MGST1: variants seen among roughly 807,000 people sequenced by gnomAD.
The protein encoded by MGST1 is microsomal glutathione S-transferase 1, also known as glutathione S-transferase 12.
Under a neutral mutation model 8.9 loss-of-function variants are expected in MGST1, and 5 were observed. The ratio of observed to expected loss-of-function variants is 0.56; its 90% CI spans 0.29 to 1.19. MGST1 has a LOEUF of 1.19. Among genes scored for constraint, MGST1 ranks in the 50% most tolerant of loss-of-function variants. The pLI is 0.08. For synonymous variants in MGST1, 54 were observed against 67.8 expected, an observed-to-expected ratio of 0.80 and a Z score of 1.00; for missense variants, 182 against 187.4, an observed-to-expected ratio of 0.97 and a Z score of 0.17.
At chr12:16,558,115 G>A (rs547535417) in intron 4 of MGST1, among the ~76,000 whole-genome samples, 3 of 152,096 alleles carry the variant, frequency 2.0e-5, no homozygotes, top group South Asian at 4.2e-4. Flanking sequence ...TATAAATTGA[G>A]TGAAAAAGTC....
At chr12:16,501,836 A>T (rs899595292) in intron 4 of MGST1, among the ~76,000 whole-genome samples, 1 of 152,168 alleles carries the variant, frequency 6.6e-6, no homozygotes, top group Admixed American at 6.5e-5. Flanking sequence ...AAATACTCAT[A>T]TTTATCATTA....
At chr12:16,419,245 C>T (rs1172466510) in intron 1 of MGST1, among the ~76,000 whole-genome samples, 1 of 152,146 alleles carries the variant, frequency 6.6e-6, no homozygotes, top group African/African-American at 2.4e-5. Context: ...CTTGCCTTTT[C>T]TCAGATACCT....
At chr12:16,467,356 G>A (rs931465038) in intron 4 of MGST1, among the ~76,000 whole-genome samples, 2 of 152,194 alleles carry the variant, frequency 1.3e-5, no homozygotes, top group Non-Finnish European at 2.9e-5. Context: ...GTTTAGGCCA[G>A]CTGATCTATT....
downstream of MGST1, among the ~76,000 whole-genome samples, chr12:16,593,136 A>G (rs1943545808): frequency 2.0e-5 from 3 of 151,862 alleles, no homozygotes; most frequent in Non-Finnish European, 4.4e-5. This position sits in a 1 kb window ranked among gnomAD's most constrained non-coding sequence, Gnocchi z 4.2. Context: ...ATTTATGTTT[A>G]CTAAAATTGA....
At chr12:16,541,109 A>G (rs1941790778) in intron 4 of MGST1, among the ~76,000 whole-genome samples, 1 of 152,218 alleles carries the variant, frequency 6.6e-6, no homozygotes, top group Non-Finnish European at 1.5e-5. Context: ...TAGACCTATT[A>G]TCTAAAATCA....
Position 16,413,989 on chromosome 12 carries a change from G to A in MGST1, n.779-23399G>A, listed in dbSNP as rs1216045659. Among the ~76,000 whole-genome samples the A allele has an allele frequency of 1.3e-5, 2 of 151,922 alleles. No homozygotes were observed. The highest frequency in any genetic ancestry group is 2.9e-5 in the Non-Finnish European group (2 of 67,988). On this transcript the variant is annotated intron_variant and non_coding_transcript_variant, in intron 1 of 1. Coordinates refer to the MGST1 transcript ENST00000359720. This position sits in a 1 kb window ranked among gnomAD's most constrained non-coding sequence, Gnocchi z 4.0. The stretch of plus-strand genomic sequence containing the variant: ...AAAATTCAGAATAAATATAAGTTTT[G>A]TAGAAACTGTAGAATCAACAACTAA...
chr12:16,448,515 A>G (rs1941100691), intron 4 of MGST1, among the ~76,000 whole-genome samples: 1 of 151,912 alleles, frequency 6.6e-6, no homozygotes, highest in South Asian at 2.1e-4. Context: ...TAATGGTTCC[A>G]GAATTTTCAT....
In MGST1 at chr12:16,585,232, TGGCAAGATAA is replaced by T. The variant is rs1300160366; in HGVS notation, n.483-4295_483-4286del. 6.6e-6 allele frequency among the ~76,000 whole-genome samples: 1 copy of T among 152,166 alleles called. No homozygotes were observed. Among genetic ancestry groups the T allele is most frequent in the Non-Finnish European group, 1.5e-5 (1 of 68,036 alleles). On this transcript the variant is annotated intron_variant and non_coding_transcript_variant, in intron 4 of 4. Coordinates refer to the MGST1 transcript ENST00000538857. This position sits in a 1 kb window ranked among gnomAD's most constrained non-coding sequence, Gnocchi z 4.7. ...AGTTTGTAATTCCCGTCTTAGCCCT[TGGCAAGATAA>T]ATAATTCAGCCTATTTTATTTACAT...
chr12:16,516,513 G>A (rs1344152579), intron 4 of MGST1, among the ~76,000 whole-genome samples: 1 of 152,180 alleles, frequency 6.6e-6, no homozygotes, highest in Admixed American at 6.5e-5. Flanking sequence ...AATTGGGCAA[G>A]TTTCTTAGTC....
chr12:16,355,292 T>C (rs9332905), intron 2 of MGST1, among the ~76,000 whole-genome samples: 16 of 147,886 alleles, frequency 1.1e-4, no homozygotes, highest in Non-Finnish European at 1.9e-4. Flanking sequence ...CACTGCAACC[T>C]CTGCCTCCTG....
intron 4 of MGST1, among the ~76,000 whole-genome samples, chr12:16,570,307 C>T (rs915684313): frequency 2.6e-5 from 4 of 152,102 alleles, no homozygotes; most frequent in African/African-American, 9.6e-5. Flanking sequence ...TCATAATTAC[C>T]TTCTTTTCTA....
At position 16,363,609 on chromosome 12, in the gene MGST1, A is replaced by G. The variant is rs1940096408; in HGVS notation, c.222-186A>G. ...CTAAAAATAAAAAGAAACAGAAATA[A>G]TGAGAGATTCTAAATAAAAGTCAAG... On this transcript the variant is annotated intron_variant, in intron 3 of 3. Transcript: ENST00000396210. The surrounding 1 kb of genome is among the most constrained non-coding windows in gnomAD (Gnocchi z 4.6). 1 of 429,890 alleles carries G rather than the reference A, an allele frequency of 2.3e-6. No individual in the cohort carries two copies. The highest frequency in any genetic ancestry group is 2.0e-5 in the African/African-American group (1 of 50,360). The allele number at this position is 429,890 out of a possible 1,614,324, so 26.6% of individuals were successfully genotyped here.
chr12:16,515,528 G>A lies in MGST1; in HGVS notation n.483-74000G>A, dbSNP rs1034826940. Among the ~76,000 whole-genome samples, 4 of 151,892 alleles carry A rather than the reference G, an allele frequency of 2.6e-5. No homozygotes were observed. In the East Asian group the frequency reaches 7.7e-4, roughly 29 times the overall value. ...GCCTGTAATCCCAGCTACTCGGGAG[G>A]CTGAGGCAGGAGAATCGCTTGAACT... On this transcript the variant is annotated intron_variant and non_coding_transcript_variant, in intron 4 of 4. Coordinates refer to the MGST1 transcript ENST00000538857.
intron 1 of MGST1, chr12:16,437,271 G>A (rs950337042): frequency 2.6e-5 from 4 of 151,886 alleles, no homozygotes; most frequent in East Asian, 3.9e-4. Flanking sequence ...CCAGATTGTC[G>A]GGAATGATGC....
intron 1 of MGST1, among the ~76,000 whole-genome samples, chr12:16,353,022 T>C (rs1038946065): frequency 5.9e-5 from 9 of 152,118 alleles, no homozygotes; most frequent in Non-Finnish European, 1.2e-4. Flanking sequence ...TTAGAAGCTA[T>C]TACTATTTCA....
At chr12:16,561,897 CTG>C (rs1942419570) in intron 4 of MGST1, among the ~76,000 whole-genome samples, 1 of 152,172 alleles carries the variant, frequency 6.6e-6, no homozygotes, top group Admixed American at 6.5e-5. Context: ...CTAACATAGT[CTG>C]TGCACTTGAT....
chr12:16,401,434 A>C lies in MGST1; in HGVS notation n.778+17830A>C, dbSNP rs1330096450. On this transcript the variant is annotated intron_variant and non_coding_transcript_variant, in intron 1 of 1. Coordinates refer to the MGST1 transcript ENST00000359720. This position sits in a 1 kb window ranked among gnomAD's most constrained non-coding sequence, Gnocchi z 4.3. ...TGGCTTCTGCTTTTTAGCCACGTCC[A>C]TGACAGCATTATATACATCACATAT... is the stretch of plus-strand genomic sequence containing the variant. 3 of 871,426 alleles carry C rather than the reference A, an allele frequency of 3.4e-6. No homozygotes were observed. Among genetic ancestry groups the C allele is most frequent in the Non-Finnish European group, 3.9e-6 (2 of 507,846 alleles). 54.0% of individuals were successfully genotyped at this position (871,426 alleles called of 1,614,324 possible).
intron 4 of MGST1, among the ~76,000 whole-genome samples, chr12:16,567,798 C>T (rs1942668993): frequency 6.6e-6 from 1 of 152,010 alleles, no homozygotes; most frequent in South Asian, 2.1e-4. Context: ...CCCTCTCCTA[C>T]ACTCAGGCAA....
At chr12:16,512,290 A>G (rs563338958) in intron 4 of MGST1, among the ~76,000 whole-genome samples, 21 of 152,268 alleles carry the variant, frequency 1.4e-4, no homozygotes, top group African/African-American at 4.8e-4. Flanking sequence ...AAAAAATTCC[A>G]ATAAACATTG....
Sources: allele counts gnomAD v4.1 joint callset (sites outside exome capture counted in the v4.1 genomes callset), GRCh38; gene constraint gnomAD v4.1.1; non-coding constraint Gnocchi (gnomAD v3.1); transcripts MANE v1.5; gene names NCBI Gene and HGNC (gene_info 2026-07-23, HGNC 2026-07-21).